Variants in PALLD observed in about 807,000 individuals in gnomAD.
The protein encoded by PALLD is palladin.
A neutral mutation model predicts 123.5 loss-of-function variants in PALLD; 61 were observed. The ratio of observed to expected loss-of-function variants is 0.49; its 90% confidence interval spans 0.40 to 0.61. The LOEUF (loss-of-function observed/expected upper bound fraction) is 0.61, where lower values mean the gene tolerates loss of function less well. PALLD is among the 20% of genes least tolerant of loss of function. The probability of loss-of-function intolerance (pLI) is 0.00; values close to 1 mark genes in which losing one functional copy is unlikely to be tolerated. For missense variants in PALLD, 1,273 were observed against 1,377.0 expected, an observed-to-expected ratio of 0.92 and a Z score of 1.20; for synonymous variants, 465 against 496.4, an observed-to-expected ratio of 0.94 and a Z score of 0.84.
chr4:168,542,881 G>A (rs1479382337), intron 2 of PALLD, among the ~76,000 whole-genome samples: 2 of 151,256 alleles, frequency 1.3e-5, no homozygotes, highest in African/African-American at 2.4e-5. Context: ...CCTCTACGTG[G>A]CTGGACCCAG....
rs570538827 is a variant in PALLD at position 168,559,621 on chromosome 4, G to T, written c.908+47209G>T. 5.3e-5 allele frequency among the ~76,000 whole-genome samples: 8 copies of T among 152,310 alleles called. No homozygotes were observed. The South Asian group carries it at 1.7e-3, about 32-fold the overall frequency. On this transcript the variant is annotated intron_variant, in intron 2 of 21. Coordinates refer to ENST00000505667, the MANE Select transcript of PALLD (RefSeq NM_001166108.2). ...ATCAAGAAAGCAATACATAGGCTGG[G>T]TGTGGTGGCTCACACCTATAATCTC...
intron 2 of PALLD, among the ~76,000 whole-genome samples, chr4:168,667,855 G>T (rs369009142): frequency 3.3e-5 from 5 of 152,124 alleles, no homozygotes; most frequent in African/African-American, 9.7e-5. Context: ...AGATAAAATT[G>T]TAATAAATGG....
intron 2 of PALLD, among the ~76,000 whole-genome samples, chr4:168,579,264 A>T (rs1233871737): frequency 1.3e-5 from 2 of 152,154 alleles, no homozygotes; most frequent in Non-Finnish European, 2.9e-5. Flanking sequence ...CCTTCATGTA[A>T]TTCGGGTAAG....
At chr4:168,644,591 A>G (rs1777260899) in intron 2 of PALLD, among the ~76,000 whole-genome samples, 1 of 152,026 alleles carries the variant, frequency 6.6e-6, no homozygotes, top group East Asian at 1.9e-4. Flanking sequence ...GTTTGAGTGG[A>G]GTATGTAAAT....
intron 1 of PALLD, among the ~76,000 whole-genome samples, chr4:168,501,923 A>G (rs1761447590): frequency 6.6e-6 from 1 of 151,016 alleles, no homozygotes; most frequent in South Asian, 2.1e-4. Flanking sequence ...GTATGCAATA[A>G]AAGCATAGTA....
chr4:168,700,088 T>C (rs1422127569), intron 8 of PALLD: 5 of 314,524 alleles, frequency 1.6e-5, no homozygotes, highest in Non-Finnish European at 3.2e-5. Flanking sequence ...CTGGCTCATC[T>C]CATTTCCTCA....
In PALLD at chr4:168,807,470, C is replaced by T. The variant is rs560270145; in HGVS notation, c.1965-83452C>T. Among the ~76,000 whole-genome samples, 23 of 151,550 alleles carry T rather than the reference C, an allele frequency of 1.5e-4. 1 individual carries two copies. In the South Asian group the frequency reaches 4.2e-3, roughly 28 times the overall value. On this transcript the variant is annotated intron_variant, in intron 10 of 21. Coordinates refer to ENST00000505667, the MANE Select transcript of PALLD (RefSeq NM_001166108.2). ...TGTTGCCCAGACTGGAGTGCAATGG[C>T]GCGATCTGGGCTCACTGCGACCTCC...
chr4:168,564,259 G>T (rs1327535137), intron 2 of PALLD, among the ~76,000 whole-genome samples: 2 of 152,204 alleles, frequency 1.3e-5, no homozygotes, highest in African/African-American at 4.8e-5. Context: ...TAGAGGCGAG[G>T]TGAGGTTAGA....
chr4:168,548,236 G>A (rs1766364172), intron 2 of PALLD, among the ~76,000 whole-genome samples: 1 of 151,834 alleles, frequency 6.6e-6, no homozygotes, highest in African/African-American at 2.4e-5. Flanking sequence ...TCACCAATGA[G>A]GTAATATTTA....
chr4:168,881,807 T>C (rs1345787886), intron 10 of PALLD, among the ~76,000 whole-genome samples: 1 of 152,172 alleles, frequency 6.6e-6, no homozygotes, highest in African/African-American at 2.4e-5. Context: ...GCTGTAACCA[T>C]GTTTCTCCAC....
intron 10 of PALLD, among the ~76,000 whole-genome samples, chr4:168,761,518 T>C (rs1732822186): frequency 6.6e-6 from 1 of 152,136 alleles, no homozygotes; most frequent in Non-Finnish European, 1.5e-5. Flanking sequence ...TGGAGTGCCA[T>C]GGTGCAGTCT....
intron 1 of PALLD, among the ~76,000 whole-genome samples, chr4:168,509,827 T>C (rs1762367492): frequency 6.6e-6 from 1 of 152,208 alleles, no homozygotes; most frequent in African/African-American, 2.4e-5. Context: ...TTTCAGGATC[T>C]CTGATTAACT....
intron 10 of PALLD, among the ~76,000 whole-genome samples, chr4:168,853,529 C>T (rs1748110147): frequency 6.6e-6 from 1 of 152,088 alleles, no homozygotes; most frequent in South Asian, 2.1e-4. Flanking sequence ...TGAAAGACCT[C>T]GTGTGGTTTG....
At chr4:168,536,436 A>G (rs1007291489) in intron 2 of PALLD, 6 of 152,312 alleles carry the variant, frequency 3.9e-5, no homozygotes, top group African/African-American at 1.4e-4. Context: ...TAGCATTTGT[A>G]TTTGACCGTG....
chr4:168,829,684 G>A (rs1011808995), intron 10 of PALLD, among the ~76,000 whole-genome samples: 25 of 152,162 alleles, frequency 1.6e-4, no homozygotes, highest in African/African-American at 5.8e-4. Flanking sequence ...TGCAGGCCAC[G>A]TGATGTCATT....
intron 2 of PALLD, among the ~76,000 whole-genome samples, chr4:168,656,601 C>G (rs1476294920): frequency 6.6e-6 from 1 of 152,036 alleles, no homozygotes; most frequent in African/African-American, 2.4e-5. Flanking sequence ...CCTAGTTTAC[C>G]CGAAACAGTT....
chr4:168,676,513 T>C (rs1312228091), intron 3 of PALLD, among the ~76,000 whole-genome samples: 1 of 149,304 alleles, frequency 6.7e-6, no homozygotes, highest in African/African-American at 2.4e-5. Flanking sequence ...CTATATAATA[T>C]ATATTATGTT....
At chr4:168,548,134 A>G (rs1766355925) in intron 2 of PALLD, among the ~76,000 whole-genome samples, 1 of 152,110 alleles carries the variant, frequency 6.6e-6, no homozygotes, top group Non-Finnish European at 1.5e-5. Context: ...CGTCAGACCC[A>G]AAGTGTTCAA....
intron 11 of PALLD, 40 bp downstream of exon 11, chr4:168,891,097 AC>A: frequency 6.2e-7 from 1 of 1,601,788 alleles, no homozygotes; most frequent in Non-Finnish European, 8.6e-7. Flanking sequence ...AATGTTAGCT[AC>A]CCACATACCT....
Sources: gnomAD v4.1 joint callset for allele counts (sites outside exome capture counted in the v4.1 genomes callset) on GRCh38, gnomAD v4.1.1 for gene constraint, MANE v1.5 for transcripts, NCBI Gene and HGNC (gene_info 2026-07-23, HGNC 2026-07-21) for gene names.